TRAPPC9: variants seen among roughly 807,000 people sequenced by gnomAD.
The protein encoded by TRAPPC9 is IKK2 binding protein.
TRAPPC9 carries 83 observed loss-of-function variants against 124.0 expected under a neutral mutation model. The ratio of observed to expected loss-of-function variants is 0.67; its 90% CI spans 0.56 to 0.80. The LOEUF (loss-of-function observed/expected upper bound fraction) is 0.80. Ranked by LOEUF, TRAPPC9 falls within the 30% of genes least tolerant of loss-of-function variation. The pLI is 0.00. For synonymous variants in TRAPPC9, 638 were observed against 617.5 expected, an observed-to-expected ratio of 1.03 and a Z score of -0.49; for missense variants, 1,302 against 1,508.3, an observed-to-expected ratio of 0.86 and a Z score of 2.27.
chr8:140,193,710 G>T lies in TRAPPC9; in HGVS notation c.2556+27749C>A, dbSNP rs569727585. ...TGGAAAGGCTGAAACCAGTCCACAG[G>T]AGGCCCGCTGTGCTAATGGGAAGAG... On this transcript the variant is annotated intron_variant, in intron 17 of 22. Coordinates refer to ENST00000438773, the MANE Select transcript of TRAPPC9 (RefSeq NM_001160372.4). Among the ~76,000 whole-genome samples, 107 of 151,876 alleles carry T rather than the reference G, an allele frequency of 7.0e-4. 1 individual carries two copies. Among genetic ancestry groups the T allele is most frequent in the African/African-American group, 2.4e-3 (101 of 41,366 alleles).
intron 18 of TRAPPC9, among the ~76,000 whole-genome samples, chr8:140,020,687 A>C (rs1294941854): frequency 6.6e-6 from 1 of 152,294 alleles, no homozygotes; most frequent in African/African-American, 2.4e-5. Flanking sequence ...GAATTGTCCA[A>C]GTTTTCTATA....
chr8:140,012,114 A>T (rs1839177805), intron 18 of TRAPPC9, among the ~76,000 whole-genome samples: 1 of 152,216 alleles, frequency 6.6e-6, no homozygotes, highest in Admixed American at 6.5e-5. Context: ...CCGGCCAGGC[A>T]TACATTTTGT....
At chr8:140,369,572 A>G (rs2068219613) in intron 8 of TRAPPC9, among the ~76,000 whole-genome samples, 1 of 152,206 alleles carries the variant, frequency 6.6e-6, no homozygotes, top group African/African-American at 2.4e-5. Flanking sequence ...ATTATCCAAA[A>G]GCAGAACTTT....
Position 139,907,168 on chromosome 8 carries a change from G to T in TRAPPC9, c.2964+2979C>A, listed in dbSNP as rs192280424. 1.2e-3 allele frequency among the ~76,000 whole-genome samples: 185 copies of T among 152,192 alleles called. No individual in the cohort carries two copies. The highest frequency in any genetic ancestry group is 4.2e-3 in the African/African-American group (175 of 41,532). On this transcript the variant is annotated intron_variant, in intron 20 of 22. Coordinates refer to ENST00000438773, the MANE Select transcript of TRAPPC9 (RefSeq NM_001160372.4). The surrounding 1 kb of genome is among the most constrained non-coding windows in gnomAD (Gnocchi z 4.7). Reference sequence around the variant, plus strand: ...TATTTGTCATTAACAGGTGAAGAGTGGGGTGAGAGCTCCCGGCAGCCCTGG... The same window carrying T: ...TATTTGTCATTAACAGGTGAAGAGTTGGGTGAGAGCTCCCGGCAGCCCTGG...
chr8:140,091,752 C>T (rs916335667), intron 17 of TRAPPC9, among the ~76,000 whole-genome samples: 2 of 152,158 alleles, frequency 1.3e-5, no homozygotes, highest in African/African-American at 2.4e-5. Context: ...TCTGCTGTCC[C>T]GCCTGCTGCG....
chr8:140,247,504 A>G (rs1332964472), intron 16 of TRAPPC9, among the ~76,000 whole-genome samples: 1 of 150,718 alleles, frequency 6.6e-6, no homozygotes, highest in Non-Finnish European at 1.5e-5. Flanking sequence ...TGTCCCGCTC[A>G]TTCTAAGTCA....
rs553546624 is a variant in TRAPPC9, at chr8:139,996,357, C to T, written c.2700-7521G>A. Among the ~76,000 whole-genome samples, 8 of 151,932 alleles carry T rather than the reference C, an allele frequency of 5.3e-5. No homozygotes were observed. In the South Asian group the frequency reaches 1.7e-3, roughly 32 times the overall value. ...CAAAAGCAGCAGAATAATCATACTA[C>T]CCAAGTGTACATGCAATATTTACCA... On this transcript the variant is annotated intron_variant, in intron 18 of 22. Coordinates refer to ENST00000438773, the MANE Select transcript of TRAPPC9 (RefSeq NM_001160372.4).
intron 19 of TRAPPC9, among the ~76,000 whole-genome samples, chr8:139,940,386 G>T (rs2614714): frequency 6.6e-6 from 1 of 152,110 alleles, no homozygotes; most frequent in Non-Finnish European, 1.5e-5. Context: ...TATTATCATC[G>T]TCATCATCTT....
At position 140,257,097 on chromosome 8, in the gene TRAPPC9, C is replaced by T. The variant is rs181227295; in HGVS notation, c.2279-4168G>A. Among the ~76,000 whole-genome samples, 224 of 152,286 alleles carry T rather than the reference C, an allele frequency of 1.5e-3. No homozygotes were observed. The highest frequency in any genetic ancestry group is 2.6e-3 in the Non-Finnish European group (174 of 68,020). ...TAAGGCCAGAGGAGGCATGAGTCTC[C>T]GCCATAGTGCAGAGTAGTTAGCTTA... On this transcript the variant is annotated intron_variant, in intron 15 of 22. Coordinates refer to ENST00000438773, the MANE Select transcript of TRAPPC9 (RefSeq NM_001160372.4). This position sits in a 1 kb window ranked among gnomAD's most constrained non-coding sequence, Gnocchi z 4.6.
chr8:140,174,819 C>T (rs918771695), intron 17 of TRAPPC9, among the ~76,000 whole-genome samples: 5 of 152,180 alleles, frequency 3.3e-5, no homozygotes, highest in Admixed American at 6.5e-5. Flanking sequence ...CACCAGCTGA[C>T]GGGCATTTCG....
intron 19 of TRAPPC9, among the ~76,000 whole-genome samples, chr8:139,937,904 G>A (rs1023668803): frequency 6.6e-6 from 1 of 152,158 alleles, no homozygotes; most frequent in African/African-American, 2.4e-5. Flanking sequence ...GGCTCAGGAC[G>A]CCGACAGGTG....
rs1165728575 is a variant in TRAPPC9, at chr8:139,730,607, G to A, written c.*454C>T. On this transcript the variant is annotated 3_prime_UTR_variant, in exon 23 of 23. Transcript: ENST00000438773. ...GCCTTGGGGGATTCCAAGGCCCAGG[G>A]AGGGTGGGAAGCTGCCCACGCCCTC... is the stretch of plus-strand genomic sequence containing the variant. 5.6e-6 allele frequency: 1 copy of A among 179,206 alleles called. No homozygotes were observed. The highest frequency in any genetic ancestry group is 1.2e-5 in the Non-Finnish European group (1 of 84,054). The allele number at this position is 179,206 out of a possible 1,614,324, so 11.1% of individuals were successfully genotyped here. A position where few individuals can be genotyped will look rare whatever the true frequency, so the allele number is the denominator to read the frequency against.
intron 21 of TRAPPC9, among the ~76,000 whole-genome samples, chr8:139,817,069 C>CACACACACAT (rs1393299043): frequency 6.6e-6 from 1 of 151,916 alleles, no homozygotes; most frequent in African/African-American, 2.4e-5. Flanking sequence ...CACACACACA[C>CACACACACAT]ACACACACAC....
chr8:140,265,017 G>A (rs566237362), intron 15 of TRAPPC9, among the ~76,000 whole-genome samples: 13 of 152,264 alleles, frequency 8.5e-5, no homozygotes, highest in South Asian at 6.2e-4. Flanking sequence ...CCGTGTTCTC[G>A]TCATCACGCC....
At chr8:140,227,569 C>T (rs1027513894) in intron 16 of TRAPPC9, among the ~76,000 whole-genome samples, 2 of 152,166 alleles carry the variant, frequency 1.3e-5, no homozygotes, top group African/African-American at 4.8e-5. Flanking sequence ...TTCAGAAAGA[C>T]AATTTTGTAT....
intron 17 of TRAPPC9, among the ~76,000 whole-genome samples, chr8:140,198,711 C>T (rs1189812406): frequency 6.6e-6 from 1 of 152,178 alleles, no homozygotes; most frequent in Admixed American, 6.5e-5. Flanking sequence ...TCCGCTCTGT[C>T]TAGGCAGCAG....
rs569500716 is a variant in TRAPPC9 at position 139,753,431 on chromosome 8, C to T, written c.3056-21229G>A. On this transcript the variant is annotated intron_variant, in intron 21 of 22. Coordinates refer to ENST00000438773, the MANE Select transcript of TRAPPC9 (RefSeq NM_001160372.4). Reference sequence around the variant, plus strand: ...CTCATCTTTCCATCTATCCCCCTTTCCTTCCTCCCTCCCTTTATTCACTTC... The same window carrying T: ...CTCATCTTTCCATCTATCCCCCTTTTCTTCCTCCCTCCCTTTATTCACTTC... 8.6e-4 allele frequency among the ~76,000 whole-genome samples: 131 copies of T among 152,360 alleles called. 1 individual carries two copies. The highest frequency in any genetic ancestry group is 3.0e-3 in the African/African-American group (123 of 41,592).
intron 21 of TRAPPC9, among the ~76,000 whole-genome samples, chr8:139,748,553 G>GAGGGTGTGCAGGGGTCAGAGCGGGTGTT (rs1819109732): frequency 6.6e-6 from 1 of 151,820 alleles, no homozygotes; most frequent in Admixed American, 6.6e-5. Context: ...GAGCGGGTGT[G>GAGGGTGTGCAGGGGTCAGAGCGGGTGTT]TGGAGATTTG....
At position 139,874,458 on chromosome 8, in the gene TRAPPC9, G is replaced by T. The variant is rs182569525; in HGVS notation, c.3055+11421C>A. 3.6e-3 allele frequency among the ~76,000 whole-genome samples: 556 copies of T among 152,374 alleles called. 3 individuals are homozygous for T. Among genetic ancestry groups the T allele is most frequent in the Non-Finnish European group, 5.3e-3 (359 of 68,044 alleles). On this transcript the variant is annotated intron_variant, in intron 21 of 22. Coordinates refer to ENST00000438773, the MANE Select transcript of TRAPPC9 (RefSeq NM_001160372.4). ...CTTAAGGAGAAAGACACCATGCTGGGGGTGGGGAAACGCGCAGGCGGAAAT... is the reference window on the plus strand; with the variant it reads ...CTTAAGGAGAAAGACACCATGCTGGTGGTGGGGAAACGCGCAGGCGGAAAT...
Sources: allele counts gnomAD v4.1 joint callset (sites outside exome capture counted in the v4.1 genomes callset), GRCh38; gene constraint gnomAD v4.1.1; non-coding constraint Gnocchi (gnomAD v3.1); transcripts MANE v1.5; gene names NCBI Gene and HGNC (gene_info 2026-07-23, HGNC 2026-07-21).